METTL6: variants seen among roughly 807,000 people sequenced by gnomAD.
The protein encoded by METTL6 is tRNA N(3)-cytidine methyltransferase METTL6.
In METTL6, 22 loss-of-function variants were observed where a neutral mutation model predicts 26.4. The ratio of observed to expected loss-of-function variants is 0.83; its 90% CI spans 0.59 to 1.19. The LOEUF (loss-of-function observed/expected upper bound fraction) is 1.19, where lower values mean the gene tolerates loss of function less well. Ranked by LOEUF, METTL6 falls within the 50% of genes most tolerant of loss-of-function variation. METTL6 has a pLI of 0.00. For synonymous variants in METTL6, 109 were observed against 116.2 expected (o/e 0.94, Z 0.40); for missense variants, 304 against 324.8 (o/e 0.94, Z 0.49).
At chr3:15,422,357 G>A (rs1040914293) in intron 3 of METTL6, among the ~76,000 whole-genome samples, 2 of 151,890 alleles carry the variant, frequency 1.3e-5, no homozygotes, top group Admixed American at 6.6e-5. Context: ...GGCTGGATGC[G>A]GTGGCTGATG....
At chr3:15,406,611 TATATATATATATATATATAGAG>T (rs1190937713), downstream of METTL6, among the ~76,000 whole-genome samples, 70 of 80,652 alleles carry the variant, frequency 8.7e-4, no homozygotes, top group South Asian at 0.011. Flanking sequence ...TATATATATA[TATATATATATATATATATAGAG>T]AGAGAGAGAG....
At chr3:15,394,105 C>T (rs1378445733) in intron 6 of METTL6, among the ~76,000 whole-genome samples, 24 of 152,196 alleles carry the variant, frequency 1.6e-4, no homozygotes, top group African/African-American at 5.5e-4. Context: ...TGGTAGAATT[C>T]GGCTGTGAAT....
At chr3:15,426,727 C>A (rs2061733730) in intron 1 of METTL6, 92 bp from the exon 2 acceptor site, 11 of 557,786 alleles carry the variant, frequency 2.0e-5, no homozygotes, top group East Asian at 2.9e-5. Flanking sequence ...GCAGACTGTA[C>A]AAAAAAAAAT....
At chr3:15,402,735 CAAAAAAAAAAAAAAGAAAAA>C (rs1210198160) in intron 6 of METTL6, among the ~76,000 whole-genome samples, 1 of 57,704 alleles carries the variant, frequency 1.7e-5, no homozygotes, top group Non-Finnish European at 4.0e-5. Flanking sequence ...GATTCCATCT[CAAAAAAAAAAAAAAGAAAAA>C]GAAAAAAAAA....
At chr3:15,415,415 C>A in intron 4 of METTL6, 1 of 1,370,372 alleles carries the variant, frequency 7.3e-7, no homozygotes, top group Non-Finnish European at 1.0e-6. Context: ...CCTTGGCATC[C>A]CAAAGTGTTG....
intron 3 of METTL6, among the ~76,000 whole-genome samples, chr3:15,424,311 G>A (rs1175397636): frequency 3.3e-5 from 5 of 152,172 alleles, no homozygotes; most frequent in Admixed American, 2.6e-4. Context: ...CTGTCACCTA[G>A]GCTGGAGTGC....
chr3:15,417,818 GGTACCA>G (rs1255795030), intron 3 of METTL6, among the ~76,000 whole-genome samples: 2 of 152,006 alleles, frequency 1.3e-5, no homozygotes, highest in Non-Finnish European at 2.9e-5. Flanking sequence ...ACAGGCCCAC[GGTACCA>G]GTTCAAATTT....
intron 3 of METTL6, among the ~76,000 whole-genome samples, chr3:15,420,782 G>A (rs2061595005): frequency 6.6e-6 from 1 of 152,152 alleles, no homozygotes; most frequent in Admixed American, 6.6e-5. Flanking sequence ...TCATAGGAAA[G>A]ACTGTTCTTA....
At chr3:15,399,088 C>T (rs536772927) in intron 6 of METTL6, among the ~76,000 whole-genome samples, 3 of 152,162 alleles carry the variant, frequency 2.0e-5, no homozygotes, top group South Asian at 2.1e-4. Context: ...AAGACATGCC[C>T]ACCAGTGCCA....
chr3:15,415,988 C>T (rs1355396658), intron 3 of METTL6, 46 bp from the exon 4 acceptor site: 2 of 1,526,864 alleles, frequency 1.3e-6, no homozygotes, highest in Non-Finnish European at 1.8e-6. Flanking sequence ...AACCACTAGG[C>T]TGATACATAT....
intron 3 of METTL6, 60 bp downstream of exon 3, chr3:15,424,895 G>C: frequency 6.2e-7 from 1 of 1,607,660 alleles, no homozygotes; most frequent in Non-Finnish European, 8.5e-7. Context: ...AAAAAAGGCA[G>C]ATCAAACAAG....
At chr3:15,414,675 T>C in intron 4 of METTL6, 1 of 314,638 alleles carries the variant, frequency 3.2e-6, no homozygotes, top group South Asian at 2.4e-5. Flanking sequence ...CTTGAGTACC[T>C]CCAAGAGCAC....
intron 6 of METTL6, among the ~76,000 whole-genome samples, chr3:15,390,780 C>T (rs541644317): frequency 6.6e-6 from 1 of 152,226 alleles, no homozygotes; most frequent in Non-Finnish European, 1.5e-5. Context: ...CCTCTCAACA[C>T]CCAGGTTCTT....
chr3:15,394,529 T>C (rs1381978480), intron 6 of METTL6, among the ~76,000 whole-genome samples: 3 of 152,152 alleles, frequency 2.0e-5, no homozygotes, highest in East Asian at 1.9e-4. Context: ...TTATTTCTTG[T>C]CTTCTGCTAG....
downstream of METTL6, among the ~76,000 whole-genome samples, chr3:15,406,796 T>C (rs929267439): frequency 6.6e-6 from 1 of 151,224 alleles, no homozygotes; most frequent in Non-Finnish European, 1.5e-5. Flanking sequence ...GCCTAGCTAA[T>C]TTTTTGTATT....
At chr3:15,413,700 G>T (rs907334492) in intron 5 of METTL6, 25 of 1,264,616 alleles carry the variant, frequency 2.0e-5, no homozygotes, top group Non-Finnish European at 2.4e-5. Flanking sequence ...TTTTTAACTG[G>T]ACAAGAAGTT....
At chr3:15,413,723 T>C (rs1171172242) in intron 5 of METTL6, 18 of 1,319,402 alleles carry the variant, frequency 1.4e-5, no homozygotes, top group Non-Finnish European at 1.8e-5. Context: ...TGACTTGCCC[T>C]CCCTCTTATT....
rs1207625337 is a variant in METTL6, at chr3:15,390,019, G to GA, written c.*12-5833dup. Reference sequence around the variant, plus strand: ...GACACAGTAAGACTCCATCTCAAGGGAAAAAAAAAAGATTGTAAGTTAAAT... The same window carrying GA: ...GACACAGTAAGACTCCATCTCAAGGGAAAAAAAAAAAGATTGTAAGTTAAAT... On this transcript the variant is annotated intron_variant, in intron 6 of 6. Coordinates refer to the METTL6 transcript ENST00000443029. Among the ~76,000 whole-genome samples, 155 of 146,426 alleles carry GA rather than the reference G, an allele frequency of 1.1e-3. 1 individual carries two copies. The highest frequency in any genetic ancestry group is 1.9e-3 in the Non-Finnish European group (127 of 66,100).
chr3:15,398,664 A>G (rs563992395), intron 6 of METTL6, among the ~76,000 whole-genome samples: 1 of 151,794 alleles, frequency 6.6e-6, no homozygotes, highest in East Asian at 2.0e-4. Context: ...CCTGGGCAAC[A>G]TGGTGAAACC....
Sources: allele counts gnomAD v4.1 joint callset (sites outside exome capture counted in the v4.1 genomes callset), GRCh38; gene constraint gnomAD v4.1.1; transcripts MANE v1.5; gene names NCBI Gene and HGNC (gene_info 2026-07-23, HGNC 2026-07-21).